Variants in AQR observed in about 807,000 individuals in gnomAD.
The protein encoded by AQR is RNA helicase aquarius.
A neutral mutation model predicts 180.5 loss-of-function variants in AQR; 61 were observed. The observed-to-expected ratio is 0.34, with a 90% CI of 0.28 to 0.42. The LOEUF is 0.42. AQR is among the 10% of genes least tolerant of loss of function. AQR has a pLI of 1.00. For synonymous variants in AQR, 551 were observed against 588.8 expected (o/e 0.94, Z 0.93); for missense variants, 1,281 against 1,798.3 (o/e 0.71, Z 5.20).
chr15:34,964,602 A>T, intron 1 of AQR: 1 of 423,302 alleles, frequency 2.4e-6, no homozygotes, highest in Non-Finnish European at 4.4e-6. Flanking sequence ...TCAGCATGGC[A>T]ATAAGGAAAC....
At chr15:34,943,163 G>C in intron 6 of AQR, 1 of 1,611,070 alleles carries the variant, frequency 6.2e-7, no homozygotes. Context: ...AGTACAAGAA[G>C]GGCAAGGATT....
At chr15:34,892,975 T>C (rs1893173103) in intron 23 of AQR, among the ~76,000 whole-genome samples, 1 of 152,180 alleles carries the variant, frequency 6.6e-6, no homozygotes, top group South Asian at 2.1e-4. Context: ...GGACCATCTA[T>C]ACTAATTAGC....
intron 2 of AQR, among the ~76,000 whole-genome samples, chr15:34,963,775 T>A (rs1288856400): frequency 6.6e-6 from 1 of 151,028 alleles, no homozygotes; most frequent in Admixed American, 6.6e-5. Context: ...GCCATTCTCC[T>A]GCCTCAGCCT....
At chr15:34,949,903 T>C (rs1595808605) in intron 4 of AQR, among the ~76,000 whole-genome samples, 1 of 148,606 alleles carries the variant, frequency 6.7e-6, no homozygotes, top group Non-Finnish European at 1.5e-5. Flanking sequence ...GGGGTTGAGG[T>C]TGCAGTGAGC....
At position 34,873,859 on chromosome 15, in the gene AQR, C is replaced by T. The variant is rs201488950; in HGVS notation, c.3566G>A (p.Gly1189Glu). 6.2e-7 allele frequency: 1 copy of T among 1,605,792 alleles called. No individual in the cohort carries two copies. Among genetic ancestry groups the T allele is most frequent in the East Asian group, 2.2e-5 (1 of 44,616 alleles). Residue 1189 changes from glycine to glutamate, a missense_variant, in exon 30 of 35, where the codon GGA (glycine) becomes GAA (glutamate). By Grantham distance (98) the Gly-to-Glu change is moderately conservative. Transcript: ENST00000156471. ...LINVEDFQGVGESEPNPYFYQ... is the reference protein window; with the variant it reads ...LINVEDFQGVEESEPNPYFYQ... ...GAAGTAAGGATTAGGTTCAGATTCTCCCACTCCTTGAAAATCTTCAACATT... is the reference window on the plus strand; with the variant it reads ...GAAGTAAGGATTAGGTTCAGATTCTTCCACTCCTTGAAAATCTTCAACATT...
chr15:34,873,763 C>T (rs1327900544), intron 30 of AQR, 65 bp downstream of exon 30: 5 of 1,345,256 alleles, frequency 3.7e-6, no homozygotes, highest in East Asian at 2.5e-5. Flanking sequence ...TTAAGTATCA[C>T]TGATTTAGGC....
At chr15:34,910,093 A>G (rs756919207) in intron 17 of AQR, 42 bp downstream of exon 17, 1 of 1,604,656 alleles carries the variant, frequency 6.2e-7, no homozygotes, top group East Asian at 2.2e-5. Context: ...AAAGTTCATA[A>G]CAAGGCAAAA....
intron 12 of AQR, among the ~76,000 whole-genome samples, chr15:34,929,200 T>C (rs1030525549): frequency 1.3e-5 from 2 of 152,246 alleles, no homozygotes; most frequent in African/African-American, 4.8e-5. Flanking sequence ...TTTAATTAGA[T>C]CCCATTTGTC....
intron 1 of AQR, among the ~76,000 whole-genome samples, chr15:34,965,640 C>G (rs2050306673): frequency 6.6e-6 from 1 of 152,150 alleles, no homozygotes; most frequent in Admixed American, 6.5e-5. Flanking sequence ...CACTGCACTC[C>G]AGCCTGGGCG....
intron 13 of AQR, among the ~76,000 whole-genome samples, chr15:34,926,575 C>T (rs1893768305): frequency 1.3e-5 from 2 of 152,200 alleles, no homozygotes; most frequent in South Asian, 4.1e-4. Context: ...GAACGTCTAT[C>T]ACATAGTAAA....
At chr15:34,905,102 G>C (rs985825739) in intron 18 of AQR, among the ~76,000 whole-genome samples, 1 of 142,150 alleles carries the variant, frequency 7.0e-6, no homozygotes, top group Non-Finnish European at 1.5e-5. Context: ...TTTTTGGGGG[G>C]GGTGGGGGGA....
At chr15:34,869,149 T>C (rs1892779652) in intron 31 of AQR, 1 of 152,138 alleles carries the variant, frequency 6.6e-6, no homozygotes, top group African/African-American at 2.4e-5. Flanking sequence ...TTTCAGTTGT[T>C]GTACATCCTT....
chr15:34,945,705 A>G (rs746956051), intron 5 of AQR, among the ~76,000 whole-genome samples: 2 of 152,230 alleles, frequency 1.3e-5, no homozygotes, highest in Non-Finnish European at 2.9e-5. Flanking sequence ...AATATTTGAG[A>G]TAAGTGTCCA....
intron 29 of AQR, 82 bp from the exon 30 acceptor site, chr15:34,874,081 T>A (rs1892859489): frequency 7.7e-7 from 1 of 1,292,200 alleles, no homozygotes; most frequent in Non-Finnish European, 1.0e-6. Flanking sequence ...AGGTTTCTGT[T>A]TCTGTGCTTC....
intron 23 of AQR, among the ~76,000 whole-genome samples, chr15:34,890,958 C>T (rs560770018): frequency 6.6e-6 from 1 of 152,228 alleles, no homozygotes; most frequent in East Asian, 1.9e-4. Flanking sequence ...CAAGGTTTTA[C>T]AGAAAGGCAA....
chr15:34,870,837 G>T lies in AQR; in HGVS notation c.3683C>A (p.Thr1228Lys). Residue 1228 changes from threonine (T) to lysine (K), a missense_variant, in exon 31 of 35, where the codon ACA becomes AAA. Coordinates refer to ENST00000156471, the MANE Select transcript of AQR (RefSeq NM_014691.3). Reference sequence around the variant, plus strand: ...AAGATGCTTTTGGCCATTATATGTTGTTAGAATACTGATTTTGTCAGCAGG... The same window carrying T: ...AAGATGCTTTTGGCCATTATATGTTTTTAGAATACTGATTTTGTCAGCAGG... ...GYPADKISIL[T>K]TYNGQKHLIR... is the part of the protein sequence containing the mutation. 6.2e-7 allele frequency: 1 copy of T among 1,613,386 alleles called. No individual in the cohort carries two copies. Among genetic ancestry groups the T allele is most frequent in the East Asian group, 2.2e-5 (1 of 44,790 alleles).
At chr15:34,858,317 C>T (rs1055278890) in intron 34 of AQR, among the ~76,000 whole-genome samples, 15 of 34,786 alleles carry the variant, frequency 4.3e-4, no homozygotes, top group South Asian at 1.2e-3. Flanking sequence ...TGCACGACAG[C>T]AGCAAAAAAA....
chr15:34,901,107 G>A (rs1394479499), intron 19 of AQR, among the ~76,000 whole-genome samples: 1 of 152,088 alleles, frequency 6.6e-6, no homozygotes, highest in Non-Finnish European at 1.5e-5. Context: ...TTAAGAGTTC[G>A]CTTAGACAGA....
At chr15:34,873,544 G>A (rs1331547100) in intron 30 of AQR, among the ~76,000 whole-genome samples, 4 of 151,758 alleles carry the variant, frequency 2.6e-5, no homozygotes, top group Non-Finnish European at 4.4e-5. Context: ...TTCTCCAATC[G>A]CTATTTTTCT....
Sources: gnomAD v4.1 joint callset for allele counts (sites outside exome capture counted in the v4.1 genomes callset) on GRCh38, gnomAD v4.1.1 for gene constraint, MANE v1.5 for transcripts, NCBI Gene and HGNC (gene_info 2026-07-23, HGNC 2026-07-21) for gene names.